The following SLC7A6 variants were observed in gnomAD, a reference collection of about 807,000 sequenced individuals.
The protein encoded by SLC7A6 is Y+L amino acid transporter 2.
A neutral mutation model predicts 46.6 loss-of-function variants in SLC7A6; 29 were observed. That is an observed-to-expected ratio of 0.62 (90% CI 0.46 to 0.85). The LOEUF (loss-of-function observed/expected upper bound fraction) is 0.85. SLC7A6 is among the 40% of genes least tolerant of loss of function. The probability of loss-of-function intolerance (pLI) is 0.00; values close to 1 mark genes in which losing one functional copy is unlikely to be tolerated. For synonymous variants in SLC7A6, 276 were observed against 257.3 expected (o/e 1.07, Z -0.70); for missense variants, 527 against 647.6 (o/e 0.81, Z 2.02).
chr16:68,290,300 C>T (rs778455954), intron 4 of SLC7A6, 96 bp from the exon 5 acceptor site: 1 of 1,316,032 alleles, frequency 7.6e-7, no homozygotes, highest in Non-Finnish European at 1.1e-6. Flanking sequence ...TCCTATTCTC[C>T]TTTCGTATCT....
At chr16:68,287,605 G>T in intron 3 of SLC7A6, 141 bp from the exon 4 acceptor site, 1 of 1,508,792 alleles carries the variant, frequency 6.6e-7, no homozygotes, top group Admixed American at 2.1e-5. Flanking sequence ...CCCCTCGCTT[G>T]CCAGTTCGCC....
chr16:68,290,323 T>TC (rs2043022323), intron 4 of SLC7A6, 73 bp from the exon 5 acceptor site: 1 of 1,506,804 alleles, frequency 6.6e-7, no homozygotes, highest in African/African-American at 1.4e-5. Flanking sequence ...CTCTTACACC[T>TC]CCCATCTCCT....
At chr16:68,287,164 G>T (rs1467620308) in intron 3 of SLC7A6, among the ~76,000 whole-genome samples, 1 of 151,908 alleles carries the variant, frequency 6.6e-6, no homozygotes, top group Non-Finnish European at 1.5e-5. Flanking sequence ...TTTTTGTAGG[G>T]ACAGGGTTTC....
At chr16:68,289,743 G>C (rs757869352) in intron 4 of SLC7A6, among the ~76,000 whole-genome samples, 1 of 152,128 alleles carries the variant, frequency 6.6e-6, no homozygotes, top group Non-Finnish European at 1.5e-5. Context: ...AGGCTGGGCT[G>C]GCTCCCCGGA....
chr16:68,298,716 T>G lies in SLC7A6; in HGVS notation c.*1388T>G, dbSNP rs1384119518. 2 of 152,300 alleles carry G rather than the reference T, an allele frequency of 1.3e-5. No individual in the cohort carries two copies. Among genetic ancestry groups the G allele is most frequent in the Non-Finnish European group, 2.9e-5 (2 of 68,124 alleles). The allele number at this position is 152,300 out of a possible 1,614,324, so 9.4% of individuals were successfully genotyped here. ...GGCTGCACAAGTGGAAGCAACTAAT[T>G]CTGGTGCTCAGGCTGGGCTCTCCAC... On this transcript the variant is annotated 3_prime_UTR_variant, in exon 11 of 11. Transcript: ENST00000219343.
rs370195278 is a variant in SLC7A6, at chr16:68,297,300, A to G, written c.1520A>G (p.Glu507Gly). The G allele has an allele frequency of 1.4e-5, 23 of 1,613,448 alleles. No homozygotes were observed. The highest frequency in any genetic ancestry group is 1.8e-5 in the Non-Finnish European group (21 of 1,179,658). ...CTGACTGAGCTTGATGTAGCCGAAG[A>G]AAAAAAGGATGAGAGGAAAACTGAC... is the stretch of plus-strand genomic sequence containing the variant. ...CVLTELDVAEEKKDERKTD is the reference protein window; with the variant it reads ...CVLTELDVAEGKKDERKTD Residue 507 changes from glutamate to glycine, a missense_variant, in exon 11 of 11, where the codon GAA becomes GGA. Transcript: ENST00000219343.
At chr16:68,270,609 A>G (rs1024908256) in intron 2 of SLC7A6, among the ~76,000 whole-genome samples, 1 of 152,176 alleles carries the variant, frequency 6.6e-6, no homozygotes, top group Non-Finnish European at 1.5e-5. Flanking sequence ...TTTTAAAAAA[A>G]TTTACTTGAA....
chr16:68,277,761 G>C (rs955501493), intron 3 of SLC7A6, among the ~76,000 whole-genome samples: 1 of 151,858 alleles, frequency 6.6e-6, no homozygotes, highest in African/African-American at 2.4e-5. Flanking sequence ...CCGAATAGCT[G>C]GGATTTCAGG....
At position 68,277,117 on chromosome 16, in the gene SLC7A6, T is replaced by G. The variant is rs182808592; in HGVS notation, c.523+1868T>G. 5.5e-4 allele frequency among the ~76,000 whole-genome samples: 83 copies of G among 151,878 alleles called. 1 individual carries two copies. Among genetic ancestry groups the G allele is most frequent in the Admixed American group, 4.7e-3 (72 of 15,270 alleles). On this transcript the variant is annotated intron_variant, in intron 3 of 10. Coordinates refer to ENST00000219343, the MANE Select transcript of SLC7A6 (RefSeq NM_003983.6). ...TACTTTTTTTTTTGAGATAGAGTCT[T>G]GCTCTGTCACCCAGGCTGGAGTACA...
chr16:68,278,628 G>A (rs1379727068), intron 3 of SLC7A6, among the ~76,000 whole-genome samples: 1 of 151,634 alleles, frequency 6.6e-6, no homozygotes, highest in Non-Finnish European at 1.5e-5. Context: ...CCGGGTTGGG[G>A]GTAAGGTCAT....
At chr16:68,297,205 A>C in intron 10 of SLC7A6, 29 bp from the exon 11 acceptor site, 1 of 1,607,554 alleles carries the variant, frequency 6.2e-7, no homozygotes, top group Non-Finnish European at 8.5e-7. Context: ...ATGTTTACTA[A>C]ACCCTGTGCT....
intron 2 of SLC7A6, among the ~76,000 whole-genome samples, chr16:68,270,553 C>G (rs1828258970): frequency 6.6e-6 from 1 of 152,170 alleles, no homozygotes; most frequent in Admixed American, 6.5e-5. Flanking sequence ...TGGAAAAAAC[C>G]TGAGTGTCTG....
At chr16:68,284,690 T>C in intron 3 of SLC7A6, 1 of 981,968 alleles carries the variant, frequency 1.0e-6, no homozygotes, top group Non-Finnish European at 1.2e-6. Flanking sequence ...TCTCTTCCCC[T>C]TGGAGCTGCA....
Position 68,296,618 on chromosome 16 carries a change from C to G in SLC7A6, c.1270-9C>G, listed in dbSNP as rs759867458. The G allele has an allele frequency of 1.9e-6, 3 of 1,614,188 alleles. No homozygotes were observed. The highest frequency in any genetic ancestry group is 3.3e-5 in the Admixed American group (2 of 60,028). The stretch of plus-strand genomic sequence containing the variant: ...CACGTTACTTAATCTCTCACCCCCT[C>G]TATTTCAGCTGAGCGTGTTTTTCCC... On this transcript the variant is annotated splice_polypyrimidine_tract_variant and intron_variant, in intron 9 of 10. Coordinates refer to ENST00000219343, the MANE Select transcript of SLC7A6 (RefSeq NM_003983.6).
chr16:68,301,279 T>C lies in SLC7A6; in HGVS notation c.*3951T>C. The stretch of plus-strand genomic sequence containing the variant: ...CTCATGGACATCACAAGACCATCAG[T>C]CTGAATCCAGGTCGTGGGGGCTGTC... On this transcript the variant is annotated 3_prime_UTR_variant, in exon 11 of 11. Transcript: ENST00000219343. The C allele has an allele frequency of 1.2e-6, 2 of 1,614,010 alleles. No homozygotes were observed. The highest frequency in any genetic ancestry group is 1.7e-6 in the Non-Finnish European group (2 of 1,179,920).
chr16:68,295,477 G>C (rs984841004), intron 8 of SLC7A6, among the ~76,000 whole-genome samples: 4 of 152,182 alleles, frequency 2.6e-5, no homozygotes, highest in African/African-American at 9.7e-5. Flanking sequence ...TTTTTGTAGA[G>C]ATGAGGTCTC....
Position 68,297,224 on chromosome 16 carries a change from T to C in SLC7A6, c.1454-10T>C, listed in dbSNP as rs1300213668. Reference sequence around the variant, plus strand: ...TTACTAAACCCTGTGCTTGCTCTATTTTCATTTAGCTGCTATCACCAGAGG... The same window carrying C: ...TTACTAAACCCTGTGCTTGCTCTATCTTCATTTAGCTGCTATCACCAGAGG... On this transcript the variant is annotated splice_polypyrimidine_tract_variant and intron_variant, in intron 10 of 10. Coordinates refer to ENST00000219343, the MANE Select transcript of SLC7A6 (RefSeq NM_003983.6). The C allele has an allele frequency of 1.2e-6, 2 of 1,613,400 alleles. No individual in the cohort carries two copies. Among genetic ancestry groups the C allele is most frequent in the Non-Finnish European group, 1.7e-6 (2 of 1,179,636 alleles).
intron 3 of SLC7A6, among the ~76,000 whole-genome samples, chr16:68,283,813 T>C (rs1478573369): frequency 2.0e-5 from 3 of 152,180 alleles, no homozygotes; most frequent in African/African-American, 7.2e-5. Context: ...GATGTTTTAA[T>C]TGTGGTAGCT....
In SLC7A6 at chr16:68,301,118, T is replaced by A; in HGVS notation, c.*3790T>A. 1 of 1,367,440 alleles carries A rather than the reference T, an allele frequency of 7.3e-7. No individual in the cohort carries two copies. The highest frequency in any genetic ancestry group is 2.0e-5 in the South Asian group (1 of 50,268). The allele number at this position is 1,367,440 out of a possible 1,614,324, so 84.7% of individuals were successfully genotyped here. On this transcript the variant is annotated 3_prime_UTR_variant, in exon 11 of 11. Transcript: ENST00000219343. The stretch of plus-strand genomic sequence containing the variant: ...AAAGACTCACTCCCCTAACATAAGT[T>A]TTCACTGTGGTGGGATGGTGCCGCC...
Sources: gnomAD v4.1 joint callset for allele counts (sites outside exome capture counted in the v4.1 genomes callset) on GRCh38, gnomAD v4.1.1 for gene constraint, MANE v1.5 for transcripts, NCBI Gene and HGNC (gene_info 2026-07-23, HGNC 2026-07-21) for gene names.